DYNC2LI1: variants seen among roughly 807,000 people sequenced by gnomAD.
DYNC2LI1 encodes cytoplasmic dynein 2 light intermediate chain 1.
In DYNC2LI1, 45 loss-of-function variants were observed where a neutral mutation model predicts 51.9. That is an observed-to-expected ratio of 0.87 (90% CI 0.68 to 1.11). The LOEUF is 1.11. Ranked by LOEUF, DYNC2LI1 falls within the 50% of genes most tolerant of loss-of-function variation. The pLI is 0.00. For synonymous variants in DYNC2LI1, 130 were observed against 137.8 expected, an observed-to-expected ratio of 0.94 and a Z score of 0.40; for missense variants, 490 against 417.4, an observed-to-expected ratio of 1.17 and a Z score of -1.51.
chr2:43,820,776 C>T, the DYNC2LI1 span, among the ~76,000 whole-genome samples: 1 of 152,132 alleles, frequency 6.6e-6, no homozygotes, highest in Non-Finnish European at 1.5e-5. Flanking sequence ...GCCTCAGCCT[C>T]CCAAGTAGCT....
chr2:43,825,569 T>A, the DYNC2LI1 span, among the ~76,000 whole-genome samples: 5 of 152,148 alleles, frequency 3.3e-5, no homozygotes, highest in Non-Finnish European at 5.9e-5. Flanking sequence ...TATTAACAAC[T>A]GTGTGATCTT....
intron 2 of DYNC2LI1, among the ~76,000 whole-genome samples, chr2:43,780,817 T>C (rs957558880): frequency 6.6e-5 from 10 of 152,042 alleles, no homozygotes; most frequent in South Asian, 4.1e-4. Flanking sequence ...TCTGGGGCGA[T>C]TGAGGCAATG....
chr2:43,824,210 G>A, the DYNC2LI1 span: 1 of 1,614,140 alleles, frequency 6.2e-7, no homozygotes, highest in Non-Finnish European at 8.5e-7. Flanking sequence ...ACATTTGTGA[G>A]CCTCTTACCT....
At chr2:43,819,774 G>T in the DYNC2LI1 span, 1 of 886,546 alleles carries the variant, frequency 1.1e-6, no homozygotes, top group Non-Finnish European at 1.8e-6. Context: ...AATGATTAAC[G>T]AGCAGTATAA....
At chr2:43,813,718 T>TCG (rs1318958225), downstream of DYNC2LI1, among the ~76,000 whole-genome samples, 1 of 125,154 alleles carries the variant, frequency 8.0e-6, no homozygotes, top group Non-Finnish European at 1.7e-5. Context: ...CGTTTTTTTT[T>TCG]TTTTTTTTTT....
intron 1 of DYNC2LI1, 78 bp from the exon 2 acceptor site, chr2:43,776,704 A>G: frequency 2.9e-6 from 2 of 685,110 alleles, no homozygotes; most frequent in Non-Finnish European, 5.0e-6. Context: ...ATACTGAAAT[A>G]AAATTTCTCT....
At chr2:43,826,598 T>C in the DYNC2LI1 span, 3 of 1,599,796 alleles carry the variant, frequency 1.9e-6, no homozygotes, top group Non-Finnish European at 2.6e-6. Flanking sequence ...AGTTCTGAAC[T>C]GTTCCTTATT....
At chr2:43,788,043 T>C (rs1296993986) in intron 4 of DYNC2LI1, among the ~76,000 whole-genome samples, 1 of 152,074 alleles carries the variant, frequency 6.6e-6, no homozygotes, top group Non-Finnish European at 1.5e-5. Context: ...TATATAGAGA[T>C]ACAGGAGAAC....
At chr2:43,812,079 C>T (rs529412704), downstream of DYNC2LI1, among the ~76,000 whole-genome samples, 1 of 151,800 alleles carries the variant, frequency 6.6e-6, no homozygotes, top group Admixed American at 6.6e-5. Context: ...GGGTCTTGCT[C>T]TGTCTCTGTT....
chr2:43,817,864 C>T, the DYNC2LI1 span, among the ~76,000 whole-genome samples: 1 of 152,064 alleles, frequency 6.6e-6, no homozygotes, highest in East Asian at 1.9e-4. Context: ...GAGCCGAGAT[C>T]GCGCCACTGC....
rs758230490 is a variant in DYNC2LI1 at position 43,794,460 on chromosome 2, G to A, written c.324G>A (p.Thr108=). The change falls in exon 6 of 13, where the codon ACG becomes ACA. Residue 108 remains threonine (T), a synonymous_variant. Coordinates refer to ENST00000260605, the MANE Select transcript of DYNC2LI1 (RefSeq NM_016008.4). The part of the protein sequence containing the change: ...SIPITGDTLR[T]FSLVLVLDLS... ...AAAAGTGTTTTTATTTCTTTAGGAC[G>A]TTTTCTCTTGTTCTCGTTCTGGATC... is the stretch of plus-strand genomic sequence containing the variant. The A allele has an allele frequency of 1.4e-5, 22 of 1,603,432 alleles. No homozygotes were observed. Among genetic ancestry groups the A allele is most frequent in the Admixed American group, 5.2e-5 (3 of 58,140 alleles).
At chr2:43,810,039 GCATGTATAAGTT>G (rs1259767216), downstream of DYNC2LI1, 28 of 837,296 alleles carry the variant, frequency 3.3e-5, no homozygotes, top group African/African-American at 3.6e-4. Context: ...ACTCAATTCA[GCATGTATAAGTT>G]TCTGCTTATA....
At chr2:43,819,833 T>C in the DYNC2LI1 span, 1 of 1,447,852 alleles carries the variant, frequency 6.9e-7, no homozygotes, top group Non-Finnish European at 9.7e-7. Context: ...AGTTCTCTGG[T>C]ATTCCTTTAC....
chr2:43,776,826 G>C lies in DYNC2LI1; in HGVS notation c.53G>C (p.Gly18Ala), dbSNP rs1400338612. 6.2e-7 allele frequency: 1 copy of C among 1,601,124 alleles called. No individual in the cohort carries two copies. The highest frequency in any genetic ancestry group is 1.1e-5 in the South Asian group (1 of 88,830). Residue 18 changes from glycine (G) to alanine (A), a missense_variant, in exon 2 of 13, where the codon GGA (glycine) becomes GCA (alanine). Physicochemically the swap from Gly to Ala is moderately conservative, Grantham distance 60. Coordinates refer to ENST00000260605, the MANE Select transcript of DYNC2LI1 (RefSeq NM_016008.4). ...GCAAAAGCTGAAGTGGAAAAAAGGGGAATTAATGGAAGTGAAGGTGATGGA... is the reference window on the plus strand; with the variant it reads ...GCAAAAGCTGAAGTGGAAAAAAGGGCAATTAATGGAAGTGAAGGTGATGGA... ...EIAKAEVEKR[G>A]INGSEGDGAE... is the part of the protein sequence containing the mutation.
chr2:43,781,178 C>T (rs1196578061), intron 2 of DYNC2LI1, among the ~76,000 whole-genome samples: 5 of 151,966 alleles, frequency 3.3e-5, no homozygotes, highest in Non-Finnish European at 7.4e-5. Context: ...ACCAGCCTGA[C>T]CAACATAGTG....
the DYNC2LI1 span, chr2:43,828,109 C>A: frequency 6.2e-7 from 1 of 1,613,978 alleles, no homozygotes; most frequent in Non-Finnish European, 8.5e-7. Context: ...GCCATGACGG[C>A]CTCCACCTGC....
Position 43,787,168 on chromosome 2 carries a change from C to T in DYNC2LI1, c.162-13C>T. ...CACCTACAATGATAATACTATCGGC[C>T]TTTATTATACAGAGATGAACCACCA... On this transcript the variant is annotated splice_polypyrimidine_tract_variant and intron_variant, in intron 3 of 12. Coordinates refer to ENST00000260605, the MANE Select transcript of DYNC2LI1 (RefSeq NM_016008.4). 1 of 1,604,112 alleles carries T rather than the reference C, an allele frequency of 6.2e-7. No homozygotes were observed. Among genetic ancestry groups the T allele is most frequent in the East Asian group, 2.2e-5 (1 of 44,742 alleles).
chr2:43,798,786 G>A (rs1412430448), intron 8 of DYNC2LI1, among the ~76,000 whole-genome samples: 1 of 152,320 alleles, frequency 6.6e-6, no homozygotes, highest in South Asian at 2.1e-4. Flanking sequence ...GGAACCATAA[G>A]GCCTTTCAGG....
At chr2:43,814,454 A>G (rs772945764), downstream of DYNC2LI1, 1 of 1,482,990 alleles carries the variant, frequency 6.7e-7, no homozygotes, top group Non-Finnish European at 9.4e-7. Context: ...TGCAAAAATA[A>G]TATCCCCAAA....
Sources: allele counts gnomAD v4.1 joint callset (sites outside exome capture counted in the v4.1 genomes callset), GRCh38; gene constraint gnomAD v4.1.1; transcripts MANE v1.5; gene names NCBI Gene and HGNC (gene_info 2026-07-23, HGNC 2026-07-21).